The following SPATA9 variants were observed in gnomAD, a reference collection of about 807,000 sequenced individuals.
SPATA9 encodes the protein spermatogenesis associated 9, also known as spermatogenesis-associated protein 9.
A neutral mutation model predicts 25.5 loss-of-function variants in SPATA9; 27 were observed. That is an observed-to-expected ratio of 1.06 (90% CI 0.78 to 1.46). The LOEUF is 1.46. Ranked by LOEUF, SPATA9 falls within the 40% of genes most tolerant of loss-of-function variation. The pLI, the probability that SPATA9 is intolerant of heterozygous loss-of-function variation, is 0.00. For missense variants in SPATA9, 282 were observed against 297.5 expected (o/e 0.95, Z 0.38); for synonymous variants, 102 against 105.7 (o/e 0.97, Z 0.21).
the SPATA9 span, among the ~76,000 whole-genome samples, chr5:95,711,506 C>T: frequency 6.6e-6 from 1 of 152,036 alleles, no homozygotes; most frequent in South Asian, 2.1e-4. Context: ...GCTCATCACC[C>T]GGAGGGACTT....
intron 3 of SPATA9, chr5:95,674,620 G>A: frequency 3.4e-6 from 1 of 291,728 alleles, no homozygotes; most frequent in South Asian, 3.0e-5. Flanking sequence ...ATGGAGTCAA[G>A]ACAGAAAGCA....
intron 3 of SPATA9, among the ~76,000 whole-genome samples, chr5:95,667,749 T>C (rs2112590090): frequency 6.6e-6 from 1 of 152,254 alleles, no homozygotes; most frequent in South Asian, 2.1e-4. Flanking sequence ...ATGGGTTGGA[T>C]CTGTGTCCCC....
At chr5:95,656,005 T>G (rs768415918), downstream of SPATA9, 12 of 1,588,252 alleles carry the variant, frequency 7.6e-6, no homozygotes, top group Middle Eastern at 1.7e-4. Flanking sequence ...TCAAGAACAT[T>G]TGACATGTCA....
At chr5:95,655,869 G>A, downstream of SPATA9, 1 of 578,876 alleles carries the variant, frequency 1.7e-6, no homozygotes, top group African/African-American at 1.9e-5. Flanking sequence ...AACTGTAAAA[G>A]AGCTTGATGA....
the SPATA9 span, chr5:95,731,139 G>A: frequency 6.7e-5 from 68 of 1,017,290 alleles, no homozygotes; most frequent in African/African-American, 1.0e-3. Flanking sequence ...TATATTCCGC[G>A]GCGCCCCGCG....
rs1276824715 is a variant in SPATA9 at position 95,664,057 on chromosome 5, A to C, written c.379-9T>G. On this transcript the variant is annotated splice_polypyrimidine_tract_variant and intron_variant, in intron 3 of 4. Coordinates refer to ENST00000274432, the MANE Select transcript of SPATA9 (RefSeq NM_031952.4). ...AAAGAACCCTTTCTGACCTGCAAAA[A>C]CAGAAAAGATTTTCTTAATAAACAA... 1 of 1,513,486 alleles carries C rather than the reference A, an allele frequency of 6.6e-7. No homozygotes were observed. The highest frequency in any genetic ancestry group is 2.3e-5 in the East Asian group (1 of 43,138). The allele number at this position is 1,513,486 out of a possible 1,614,324, so 93.8% of individuals were successfully genotyped here. A position where few individuals can be genotyped will look rare whatever the true frequency, so the allele number is the denominator to read the frequency against.
At chr5:95,682,023 T>C (rs183327) in intron 2 of SPATA9, among the ~76,000 whole-genome samples, 88,305 of 152,040 alleles carry the variant, frequency 0.58, 26,058 homozygotes, top group African/African-American at 0.66. Flanking sequence ...CTCCCTCCTC[T>C]TTCACTCCCA....
intron 3 of SPATA9, among the ~76,000 whole-genome samples, chr5:95,671,739 G>A (rs140866507): frequency 1.7e-4 from 26 of 152,132 alleles, no homozygotes; most frequent in African/African-American, 6.0e-4. Context: ...AAATGTAGAA[G>A]TATATTTCAC....
the SPATA9 span, among the ~76,000 whole-genome samples, chr5:95,711,141 AGATACCAGT>A: frequency 6.6e-6 from 1 of 152,174 alleles, no homozygotes; most frequent in Non-Finnish European, 1.5e-5. Flanking sequence ...ACCCGTGAGG[AGATACCAGT>A]GAAAATCGTC....
chr5:95,731,566 G>A, the SPATA9 span: 3 of 1,497,534 alleles, frequency 2.0e-6, no homozygotes, highest in East Asian at 8.1e-5. Flanking sequence ...GGAGGCGCGC[G>A]AGGGGGACGC....
At chr5:95,666,911 C>A (rs992519423) in intron 3 of SPATA9, among the ~76,000 whole-genome samples, 1 of 152,134 alleles carries the variant, frequency 6.6e-6, no homozygotes, top group African/African-American at 2.4e-5. Flanking sequence ...GAAGTTTGGA[C>A]AGAAATGCAC....
At chr5:95,674,201 T>C (rs1312965624) in intron 3 of SPATA9, among the ~76,000 whole-genome samples, 1 of 152,218 alleles carries the variant, frequency 6.6e-6, no homozygotes, top group Non-Finnish European at 1.5e-5. Context: ...TATATGATGA[T>C]TTCTAGAAAT....
rs183822150 is a variant in SPATA9, at chr5:95,694,214, T to C, written n.124+4374A>G. Among the ~76,000 whole-genome samples the C allele has an allele frequency of 3.2e-3, 482 of 152,330 alleles. 4 individuals are homozygous for C. The highest frequency in any genetic ancestry group is 4.8e-3 in the Non-Finnish European group (324 of 68,036). On this transcript the variant is annotated intron_variant and non_coding_transcript_variant, in intron 1 of 2. Coordinates refer to the SPATA9 transcript ENST00000379990. Reference sequence around the variant, plus strand: ...TACATTTTAAGTATATATATGTAAGTACATATAAGCTTCATATATTGTTAT... The same window carrying C: ...TACATTTTAAGTATATATATGTAAGCACATATAAGCTTCATATATTGTTAT...
chr5:95,671,441 G>A (rs530570518), intron 3 of SPATA9, among the ~76,000 whole-genome samples: 4 of 152,158 alleles, frequency 2.6e-5, no homozygotes, highest in Admixed American at 1.3e-4. Flanking sequence ...ATGGAGTTTC[G>A]CTCTTGTTGC....
chr5:95,675,714 T>C, intron 2 of SPATA9, 75 bp from the exon 3 acceptor site: 1 of 1,220,534 alleles, frequency 8.2e-7, no homozygotes, highest in South Asian at 1.4e-5. Flanking sequence ...CGGCAGAGAC[T>C]GACTACTATA....
chr5:95,681,411 A>G (rs190748169), intron 2 of SPATA9, among the ~76,000 whole-genome samples: 191 of 152,238 alleles, frequency 1.3e-3, no homozygotes, highest in African/African-American at 4.3e-3. Context: ...TTACCTTGAA[A>G]ACTACTATTC....
chr5:95,667,903 G>T (rs745688169), intron 3 of SPATA9, among the ~76,000 whole-genome samples: 1 of 152,100 alleles, frequency 6.6e-6, no homozygotes, highest in Non-Finnish European at 1.5e-5. Context: ...ATGATATCTA[G>T]TTGTATAAAA....
At chr5:95,684,642 G>A (rs1472434583), upstream of SPATA9, 1 of 152,180 alleles carries the variant, frequency 6.6e-6, no homozygotes, top group African/African-American at 2.4e-5. Flanking sequence ...GACGGTGATG[G>A]AGTAAGAAAA....
At chr5:95,670,945 G>C (rs1455019261) in intron 3 of SPATA9, 8 of 969,428 alleles carry the variant, frequency 8.3e-6, no homozygotes, top group Non-Finnish European at 9.8e-6. Context: ...TGGCAATTCT[G>C]ATTATCAACC....
Sources: gnomAD v4.1 joint callset for allele counts (sites outside exome capture counted in the v4.1 genomes callset) on GRCh38, gnomAD v4.1.1 for gene constraint, MANE v1.5 for transcripts, NCBI Gene and HGNC (gene_info 2026-07-23, HGNC 2026-07-21) for gene names.